Variants in CACNA1A observed in about 807,000 individuals in gnomAD.
The protein encoded by CACNA1A is calcium voltage-gated channel subunit alpha1 A, also known as voltage-dependent P/Q-type calcium channel subunit alpha-1A.
CACNA1A carries 57 observed loss-of-function variants against 262.4 expected under a neutral mutation model. The observed-to-expected ratio is 0.22, with a 90% confidence interval of 0.18 to 0.27. The LOEUF is 0.27. CACNA1A is among the 10% of genes least tolerant of loss of function. The pLI is 1.00. For missense variants in CACNA1A, 2,526 were observed against 3,562.8 expected, an observed-to-expected ratio of 0.71 and a Z score of 7.41; for synonymous variants, 1,431 against 1,419.3, an observed-to-expected ratio of 1.01 and a Z score of -0.18.
intron 6 of CACNA1A, among the ~76,000 whole-genome samples, chr19:13,345,361 C>T (rs922474867): frequency 3.9e-5 from 6 of 152,146 alleles, no homozygotes; most frequent in Non-Finnish European, 7.3e-5. Flanking sequence ...TTTCCCACTT[C>T]ACCCCTTCTC....
intron 24 of CACNA1A, among the ~76,000 whole-genome samples, chr19:13,263,837 T>C (rs919932105): frequency 2.6e-5 from 4 of 152,272 alleles, no homozygotes; most frequent in Admixed American, 6.5e-5. Context: ...GTATTCTTTT[T>C]AAAGGTGGTA....
rs115256136 is a variant in CACNA1A at position 13,445,698 on chromosome 19, C to T, written c.539+7178G>A. On this transcript the variant is annotated intron_variant, in intron 3 of 46. Coordinates refer to ENST00000360228, the MANE Select transcript of CACNA1A (RefSeq NM_001127222.2). ...ACAGTAAAAGAACTGTCATCTCAGA[C>T]ATACAGCCAAGCTTCTGAAATCTTC... 6.8e-3 allele frequency among the ~76,000 whole-genome samples: 1,036 copies of T among 152,314 alleles called. 17 individuals are homozygous for T. The highest frequency in any genetic ancestry group is 0.023 in the African/African-American group (938 of 41,560).
chr19:13,328,649 C>T (rs1038386642), intron 10 of CACNA1A, among the ~76,000 whole-genome samples: 4 of 151,858 alleles, frequency 2.6e-5, no homozygotes, highest in Admixed American at 1.3e-4. Context: ...AGTCATTGTA[C>T]GTAAATGTGC....
intron 3 of CACNA1A, among the ~76,000 whole-genome samples, chr19:13,404,058 C>G (rs908042507): frequency 1.3e-5 from 2 of 152,042 alleles, no homozygotes; most frequent in Non-Finnish European, 2.9e-5. Context: ...GTAACGTAAC[C>G]TCTCTGTGCC....
At chr19:13,336,517 G>A (rs1163815225) in intron 6 of CACNA1A, among the ~76,000 whole-genome samples, 1 of 149,262 alleles carries the variant, frequency 6.7e-6, no homozygotes, top group Non-Finnish European at 1.5e-5. Context: ...ATAGCAAGAA[G>A]GAAGTAAGAT....
chr19:13,415,995 A>G (rs2060215187), intron 3 of CACNA1A, among the ~76,000 whole-genome samples: 1 of 152,148 alleles, frequency 6.6e-6, no homozygotes, highest in African/African-American at 2.4e-5. Context: ...TCCTACGCTG[A>G]TAAAAATATT....
intron 3 of CACNA1A, among the ~76,000 whole-genome samples, chr19:13,379,211 G>A (rs1259258313): frequency 6.6e-6 from 1 of 151,920 alleles, no homozygotes; most frequent in Non-Finnish European, 1.5e-5. Context: ...AAATCCCTGG[G>A]CTCAAGCAAT....
intron 6 of CACNA1A, among the ~76,000 whole-genome samples, chr19:13,353,304 T>TG (rs2058948374): frequency 6.6e-6 from 1 of 150,812 alleles, no homozygotes; most frequent in Admixed American, 6.6e-5. Flanking sequence ...TTTTTGTTTT[T>TG]TTTTTTTTGT....
intron 30 of CACNA1A, among the ~76,000 whole-genome samples, chr19:13,246,312 T>C (rs1162981458): frequency 6.6e-6 from 1 of 152,098 alleles, no homozygotes; most frequent in Non-Finnish European, 1.5e-5. Context: ...GATGGGGCCA[T>C]GTGTGTCTAG....
chr19:13,282,072 G>A (rs1466524416), intron 22 of CACNA1A, among the ~76,000 whole-genome samples: 2 of 152,210 alleles, frequency 1.3e-5, no homozygotes, highest in African/African-American at 2.4e-5. Flanking sequence ...GCAACTAAGC[G>A]GACTGTGAGG....
rs533297364 is a variant in CACNA1A at position 13,433,460 on chromosome 19, CAAAAAAA to C, written c.539+19409_539+19415del. Among the ~76,000 whole-genome samples, 118 of 76,214 alleles carry C rather than the reference CAAAAAAA, an allele frequency of 1.5e-3. 1 individual carries two copies. Among genetic ancestry groups the C allele is most frequent in the South Asian group, 8.5e-3 (12 of 1,406 alleles). The allele number at this position is 76,214 out of a possible 152,430, so 50.0% of individuals were successfully genotyped here. A position where few individuals can be genotyped will look rare whatever the true frequency, so the allele number is the denominator to read the frequency against. On this transcript the variant is annotated intron_variant, in intron 3 of 46. Coordinates refer to ENST00000360228, the MANE Select transcript of CACNA1A (RefSeq NM_001127222.2). ...TCGGCAACAAAGCAAGACGCTGTCT[CAAAAAAA>C]AAAAAAAAAAAAAAAAGTCAGCTGA... is the stretch of plus-strand genomic sequence containing the variant.
At chr19:13,262,619 G>C in intron 25 of CACNA1A, 115 bp downstream of exon 25, 1 of 683,776 alleles carries the variant, frequency 1.5e-6, no homozygotes. Context: ...CGATGGCTAG[G>C]ATGTTATCAG....
intron 36 of CACNA1A, chr19:13,229,655 G>A (rs2055594992): frequency 6.4e-6 from 1 of 156,932 alleles, no homozygotes; most frequent in African/African-American, 2.4e-5. Context: ...CTACTCTGAT[G>A]TTGCTGCCAA....
chr19:13,330,287 G>A lies in CACNA1A; in HGVS notation c.1302C>T (p.Asn434=), dbSNP rs1440457171. Residue 434 remains asparagine, a synonymous_variant, in exon 10 of 47, where the codon AAC becomes AAT. Coordinates refer to ENST00000360228, the MANE Select transcript of CACNA1A (RefSeq NM_001127222.2). ...CCAGCTGATCCTCAGCCTCTTCGGG[G>A]TTGAGCAAATCTGTCTTGCTTTTCT... is the stretch of plus-strand genomic sequence containing the variant. ...TIKKSKTDLL[N]PEEAEDQLAD... 1.3e-6 allele frequency: 2 copies of A among 1,564,040 alleles called. No homozygotes were observed. Among genetic ancestry groups the A allele is most frequent in the South Asian group, 1.2e-5 (1 of 84,776 alleles).
chr19:13,466,865 T>C (rs2061252134), intron 1 of CACNA1A, among the ~76,000 whole-genome samples: 1 of 144,246 alleles, frequency 6.9e-6, no homozygotes, highest in African/African-American at 2.7e-5. Context: ...TCCCTCTCTC[T>C]TTTAAATTTC....
intron 3 of CACNA1A, among the ~76,000 whole-genome samples, chr19:13,428,001 G>C (rs1394997327): frequency 1.3e-5 from 2 of 151,684 alleles, no homozygotes; most frequent in African/African-American, 2.4e-5. Context: ...GAGTGATCTC[G>C]ACTCACTGCA....
chr19:13,404,426 C>G (rs2059965904), intron 3 of CACNA1A, among the ~76,000 whole-genome samples: 1 of 152,158 alleles, frequency 6.6e-6, no homozygotes, highest in Non-Finnish European at 1.5e-5. Context: ...GGACAAGCCT[C>G]TCAGTGCTGG....
At chr19:13,254,005 C>G (rs1205857428) in intron 29 of CACNA1A, among the ~76,000 whole-genome samples, 2 of 152,186 alleles carry the variant, frequency 1.3e-5, no homozygotes, top group Non-Finnish European at 2.9e-5. Flanking sequence ...TCCCAAAGTG[C>G]TGGGATTACA....
At chr19:13,302,037 C>A (rs966544049) in intron 17 of CACNA1A, among the ~76,000 whole-genome samples, 1 of 152,156 alleles carries the variant, frequency 6.6e-6, no homozygotes, top group Non-Finnish European at 1.5e-5. Flanking sequence ...CCACAGGTTC[C>A]CAAGTGAGCA....
Sources: gnomAD v4.1 joint callset for allele counts (sites outside exome capture counted in the v4.1 genomes callset) on GRCh38, gnomAD v4.1.1 for gene constraint, MANE v1.5 for transcripts, NCBI Gene and HGNC (gene_info 2026-07-23, HGNC 2026-07-21) for gene names.